The following ALYREF variants were observed in gnomAD, a reference collection of about 807,000 sequenced individuals.
ALYREF encodes THO complex subunit 4.
A neutral mutation model predicts 25.2 loss-of-function variants in ALYREF; 1 was observed. The ratio of observed to expected loss-of-function variants is 0.04; its 90% confidence interval spans 0.01 to 0.19. The LOEUF (loss-of-function observed/expected upper bound fraction) is 0.19. Ranked by LOEUF, ALYREF falls within the 10% of genes least tolerant of loss-of-function variation. ALYREF has a pLI of 1.00. For synonymous variants in ALYREF, 193 were observed against 153.5 expected (o/e 1.26, Z -1.90); for missense variants, 328 against 375.6 (o/e 0.87, Z 1.05).
In ALYREF at chr17:81,888,979, G is replaced by A; in HGVS notation, c.538+203C>T. 4 of 1,426,046 alleles carry A rather than the reference G, an allele frequency of 2.8e-6. No individual in the cohort carries two copies. The highest frequency in any genetic ancestry group is 3.7e-6 in the Non-Finnish European group (4 of 1,092,270). 88.3% of individuals were successfully genotyped at this position (1,426,046 alleles called of 1,614,324 possible). A position where few individuals can be genotyped will look rare whatever the true frequency, so the allele number is the denominator to read the frequency against. Reference sequence around the variant, plus strand: ...CCGGAAGGAGCTGAAGGAGGGGAGGGATGTAGCTTGCTGGATGGGGGTTCA... The same window carrying A: ...CCGGAAGGAGCTGAAGGAGGGGAGGAATGTAGCTTGCTGGATGGGGGTTCA... On this transcript the variant is annotated intron_variant, in intron 3 of 5. Transcript: ENST00000505490. This position sits in a 1 kb window ranked among gnomAD's most constrained non-coding sequence, Gnocchi z 5.8.
Position 81,888,125 on chromosome 17 carries a change from G to A in ALYREF, c.*6C>T, listed in dbSNP as rs749899365. ...TCCTGTTCCGCACGCGGATTTGCTG[G>A]TCTGTTTAACTGGTGTCCATCTGAA... On this transcript the variant is annotated 3_prime_UTR_variant, in exon 6 of 6. Transcript: ENST00000505490. The surrounding 1 kb of genome is among the most constrained non-coding windows in gnomAD (Gnocchi z 5.8). 1.9e-6 allele frequency: 3 copies of A among 1,614,078 alleles called. No individual in the cohort carries two copies. Among genetic ancestry groups the A allele is most frequent in the Admixed American group, 1.7e-5 (1 of 60,016 alleles).
Position 81,888,910 on chromosome 17 carries a change from G to A in ALYREF, c.538+272C>T, listed in dbSNP as rs142460219. On this transcript the variant is annotated intron_variant, in intron 3 of 5. Transcript: ENST00000505490. This position sits in a 1 kb window ranked among gnomAD's most constrained non-coding sequence, Gnocchi z 5.8. Reference sequence around the variant, plus strand: ...TACGACTACAGCCCCGCACTCAGAGGTGTACTATGGCGGTTCTGAGAAGGC... The same window carrying A: ...TACGACTACAGCCCCGCACTCAGAGATGTACTATGGCGGTTCTGAGAAGGC... 6.3e-3 allele frequency: 8,862 copies of A among 1,411,242 alleles called. 32 individuals carry two copies. Among genetic ancestry groups the A allele is most frequent in the Non-Finnish European group, 7.5e-3 (8,143 of 1,084,774 alleles). The allele number at this position is 1,411,242 out of a possible 1,614,324, so 87.4% of individuals were successfully genotyped here. A position where few individuals can be genotyped will look rare whatever the true frequency, so the allele number is the denominator to read the frequency against.
In ALYREF at chr17:81,888,332, G is replaced by A; in HGVS notation, c.689C>T (p.Ala230Val). 6.2e-7 allele frequency: 1 copy of A among 1,605,856 alleles called. No individual in the cohort carries two copies. Among genetic ancestry groups the A allele is most frequent in the Non-Finnish European group, 8.5e-7 (1 of 1,179,136 alleles). The change falls in exon 5 of 6, where the codon GCC becomes GTC. Residue 230 changes from alanine to valine, a missense_variant. By Grantham distance (64) the Ala-to-Val change is moderately conservative. This residue lies in a region of ALYREF where 108 missense variants were observed against 110.5 expected (regional missense o/e 0.98). Transcript: ENST00000505490. This position sits in a 1 kb window ranked among gnomAD's most constrained non-coding sequence, Gnocchi z 5.8. ...GGTRRGTRGG[A>V]RGRGRGAGRN... ...GCCGGCACCTCTGCCTCTTCCACGG[G>A]CGCCTCCGCGGGTGCCTCTCCGGGT... is the stretch of plus-strand genomic sequence containing the variant.
intron 1 of ALYREF, 71 bp downstream of exon 1, chr17:81,891,252 C>T: frequency 1.9e-6 from 2 of 1,077,438 alleles, no homozygotes; most frequent in South Asian, 3.8e-5. Context: ...GGGTCTCCGC[C>T]GCGAGCGGCC....
intron 1 of ALYREF, 145 bp downstream of exon 1, chr17:81,891,178 C>T (rs2039519432): frequency 4.5e-6 from 2 of 447,754 alleles, no homozygotes; most frequent in Non-Finnish European, 6.8e-6. Flanking sequence ...ACCCCCTCCG[C>T]GCCCACACGC....
In ALYREF at chr17:81,887,958, T is replaced by TAA. The variant is rs545535430; in HGVS notation, c.*171_*172dup. ...GTACAAAACAGGTCTGTTTCAGAAT[T>TAA]AAAAAAAAAAAAAAAGAAAAAAAAA... On this transcript the variant is annotated 3_prime_UTR_variant, in exon 6 of 6. Transcript: ENST00000505490. 1.5e-3 allele frequency: 707 copies of TAA among 469,668 alleles called. No individual in the cohort carries two copies. The highest frequency in any genetic ancestry group is 2.6e-3 in the South Asian group (59 of 23,060). 29.1% of individuals were successfully genotyped at this position (469,668 alleles called of 1,614,324 possible).
At chr17:81,890,651 C>T in intron 2 of ALYREF, 38 bp downstream of exon 2, 1 of 1,607,070 alleles carries the variant, frequency 6.2e-7, no homozygotes, top group Non-Finnish European at 8.5e-7. Flanking sequence ...CCGTCCTGTG[C>T]AGGGCGAACG....
At position 81,889,192 on chromosome 17, in the gene ALYREF, G is replaced by A. The variant is rs1459812527; in HGVS notation, c.528C>T (p.Val176=). Residue 176 remains valine, a synonymous_variant, in exon 3 of 6, where the codon GTC becomes GTT. Transcript: ENST00000505490. ...CACCCCCAGACTCACCATCCAGAGG[G>A]ACGCCGTTGTACTGCTTCATGGCCT... The part of the protein sequence containing the change: ...ALKAMKQYNG[V]PLDGRPMNIQ... 2.5e-6 allele frequency: 4 copies of A among 1,614,044 alleles called. No homozygotes were observed. The highest frequency in any genetic ancestry group is 1.1e-5 in the South Asian group (1 of 91,088).
Position 81,887,992 on chromosome 17 carries a change from A to G in ALYREF, c.*139T>C. On this transcript the variant is annotated 3_prime_UTR_variant, in exon 6 of 6. Coordinates refer to ENST00000505490, the MANE Select transcript of ALYREF (RefSeq NM_005782.4). ...AAAAAAAGAAAAAAAAAAAACCTTT[A>G]CATGAGTTTTTAAATCCTATTTTAA... 2 of 971,514 alleles carry G rather than the reference A, an allele frequency of 2.1e-6. No homozygotes were observed. Among genetic ancestry groups the G allele is most frequent in the South Asian group, 4.2e-5 (2 of 47,796 alleles). The allele number at this position is 971,514 out of a possible 1,614,324, so 60.2% of individuals were successfully genotyped here.
Position 81,888,029 on chromosome 17 carries a change from A to C in ALYREF, c.*102T>G. The C allele has an allele frequency of 1.4e-6, 2 of 1,436,976 alleles. No individual in the cohort carries two copies. The highest frequency in any genetic ancestry group is 1.9e-6 in the Non-Finnish European group (2 of 1,050,254). The allele number at this position is 1,436,976 out of a possible 1,614,324, so 89.0% of individuals were successfully genotyped here. On this transcript the variant is annotated 3_prime_UTR_variant, in exon 6 of 6. Transcript: ENST00000505490. This position sits in a 1 kb window ranked among gnomAD's most constrained non-coding sequence, Gnocchi z 5.8. ...AAATCCTATTTTAAAACATAAAAGA[A>C]ACAAATCCATCATTGGCCGCACAGC...
At chr17:81,890,639 A>C (rs2143497606) in intron 2 of ALYREF, 50 bp downstream of exon 2, 1 of 1,596,132 alleles carries the variant, frequency 6.3e-7, no homozygotes. Flanking sequence ...CAAAATCACG[A>C]TCCGTCCTGT....
chr17:81,889,544 C>T (rs549422484), intron 2 of ALYREF, among the ~76,000 whole-genome samples: 1 of 152,318 alleles, frequency 6.6e-6, no homozygotes, highest in South Asian at 2.1e-4. Flanking sequence ...GGGGACCTGA[C>T]ACGTGTACCA....
At position 81,890,829 on chromosome 17, in the gene ALYREF, A is replaced by G; in HGVS notation, c.259-9T>C. 6.2e-7 allele frequency: 1 copy of G among 1,614,010 alleles called. No homozygotes were observed. Among genetic ancestry groups the G allele is most frequent in the Non-Finnish European group, 8.5e-7 (1 of 1,179,992 alleles). On this transcript the variant is annotated splice_polypyrimidine_tract_variant and intron_variant, in intron 1 of 5. Coordinates refer to ENST00000505490, the MANE Select transcript of ALYREF (RefSeq NM_005782.4). ...TCGGGAAGTTGTTTTGGCTGAAAAA[A>G]AAACCGCAACAAGAGCAGATCTGTG...
chr17:81,887,944 G>T lies in ALYREF; in HGVS notation c.*187C>A. On this transcript the variant is annotated 3_prime_UTR_variant, in exon 6 of 6. Transcript: ENST00000505490. The stretch of plus-strand genomic sequence containing the variant: ...CCAAAAATAACTCGGTACAAAACAG[G>T]TCTGTTTCAGAATTAAAAAAAAAAA... The T allele has an allele frequency of 1.5e-6, 1 of 671,928 alleles. No individual in the cohort carries two copies. The highest frequency in any genetic ancestry group is 4.5e-4 in the Middle Eastern group (1 of 2,236). The allele number at this position is 671,928 out of a possible 1,614,324, so 41.6% of individuals were successfully genotyped here. A position where few individuals can be genotyped will look rare whatever the true frequency, so the allele number is the denominator to read the frequency against.
rs1255802121 is a variant in ALYREF at position 81,888,857 on chromosome 17, G to A, written c.539-274C>T. ...GTGGGTGGAGAGGTGTGGGTGACCT[G>A]ACGAAGAAGAACCGGTACCTTTGTC... On this transcript the variant is annotated intron_variant, in intron 3 of 5. Coordinates refer to ENST00000505490, the MANE Select transcript of ALYREF (RefSeq NM_005782.4). This position sits in a 1 kb window ranked among gnomAD's most constrained non-coding sequence, Gnocchi z 5.8. 2 of 1,411,248 alleles carry A rather than the reference G, an allele frequency of 1.4e-6. No homozygotes were observed. Among genetic ancestry groups the A allele is most frequent in the South Asian group, 3.2e-5 (2 of 63,194 alleles). 87.4% of individuals were successfully genotyped at this position (1,411,248 alleles called of 1,614,324 possible).
Position 81,889,258 on chromosome 17 carries a change from T to C in ALYREF, c.462A>G (p.Gly154=), listed in dbSNP as rs1012634976. Residue 154 remains glycine (G), a synonymous_variant, in exon 3 of 6, where the codon GGA becomes GGG. Transcript: ENST00000505490. The part of the protein sequence containing the change: ...VHYDRSGRSL[G]TADVHFERKA... ...TCCGCTCAAAGTGCACGTCTGCTGT[T>C]CCTAAGCTGCGACCAGAGCGATCAT... 7 of 1,614,088 alleles carry C rather than the reference T, an allele frequency of 4.3e-6. No homozygotes were observed. The African/African-American group carries it at 8.0e-5, about 18-fold the overall frequency.
Position 81,888,229 on chromosome 17 carries a change from C to T in ALYREF, c.780+12G>A, listed in dbSNP as rs2039458639. 1.1e-5 allele frequency: 18 copies of T among 1,613,520 alleles called. No individual in the cohort carries two copies. Among genetic ancestry groups the T allele is most frequent in the Non-Finnish European group, 1.5e-5 (18 of 1,179,924 alleles). On this transcript the variant is annotated intron_variant, in intron 5 of 5. Coordinates refer to ENST00000505490, the MANE Select transcript of ALYREF (RefSeq NM_005782.4). The surrounding 1 kb of genome is among the most constrained non-coding windows in gnomAD (Gnocchi z 5.8). Reference sequence around the variant, plus strand: ...TTTGACCAGGCCCCCAGCTGGCTCCCCCGGGACTCACTCTCGCATTATAGG... The same window carrying T: ...TTTGACCAGGCCCCCAGCTGGCTCCTCCGGGACTCACTCTCGCATTATAGG...
Position 81,889,226 on chromosome 17 carries a change from T to A in ALYREF, c.494A>T (p.Asp165Val). 6.2e-7 allele frequency: 1 copy of A among 1,614,254 alleles called. No individual in the cohort carries two copies. Among genetic ancestry groups the A allele is most frequent in the Non-Finnish European group, 8.5e-7 (1 of 1,180,042 alleles). ...TADVHFERKA[D>V]ALKAMKQYNG... is the part of the protein sequence containing the mutation. ...GTACTGCTTCATGGCCTTCAGGGCA[T>A]CTGCCTTCCGCTCAAAGTGCACGTC... The change falls in exon 3 of 6, where the codon GAT becomes GTT. Residue 165 changes from aspartate (D) to valine (V), a missense_variant. Around this residue, in one of 3 missense-constraint regions of ALYREF, gnomAD observed 70 missense variants for 129.9 expected, o/e 0.54. Transcript: ENST00000505490.
chr17:81,889,266 T>C lies in ALYREF; in HGVS notation c.454A>G (p.Ser152Gly). The change falls in exon 3 of 6, where the codon AGC (serine) becomes GGC (glycine). Residue 152 changes from serine to glycine, a missense_variant. Around this residue, in one of 3 missense-constraint regions of ALYREF, gnomAD observed 70 missense variants for 129.9 expected, o/e 0.54. Transcript: ENST00000505490. ...AAVHYDRSGR[S>G]LGTADVHFER... is the part of the protein sequence containing the mutation. The stretch of plus-strand genomic sequence containing the variant: ...AAGTGCACGTCTGCTGTTCCTAAGC[T>C]GCGACCAGAGCGATCATAGTGCACA... 1.2e-6 allele frequency: 2 copies of C among 1,614,238 alleles called. No homozygotes were observed. Among genetic ancestry groups the C allele is most frequent in the Non-Finnish European group, 8.5e-7 (1 of 1,180,032 alleles).
Sources: gnomAD v4.1 joint callset for allele counts (sites outside exome capture counted in the v4.1 genomes callset) on GRCh38, gnomAD v4.1.1 for gene constraint, gnomAD v4.1.1 regional missense constraint, Gnocchi (gnomAD v3.1) non-coding constraint, MANE v1.5 for transcripts, NCBI Gene and HGNC (gene_info 2026-07-23, HGNC 2026-07-21) for gene names.